Variants in STAB1 observed in about 807,000 individuals in gnomAD.
STAB1 encodes the protein stabilin-1.
Under a neutral mutation model 332.4 loss-of-function variants are expected in STAB1, and 250 were observed. The observed-to-expected ratio is 0.75, with a 90% CI of 0.68 to 0.84. The LOEUF is 0.84. Ranked by LOEUF, STAB1 falls within the 40% of genes least tolerant of loss-of-function variation. The pLI, the probability that STAB1 is intolerant of heterozygous loss-of-function variation, is 0.00. For synonymous variants in STAB1, 1,475 were observed against 1,390.4 expected, an observed-to-expected ratio of 1.06 and a Z score of -1.35; for missense variants, 3,249 against 3,489.7, an observed-to-expected ratio of 0.93 and a Z score of 1.74.
rs369627634 is a variant in STAB1 at position 52,507,690 on chromosome 3, G to A, written c.2052+15G>A. Reference sequence around the variant, plus strand: ...GTGTGAAGCTGGTGAGCACACCTTGGCCCAGCTCTCAGGGCCTCCTGACTG... The same window carrying A: ...GTGTGAAGCTGGTGAGCACACCTTGACCCAGCTCTCAGGGCCTCCTGACTG... On this transcript the variant is annotated intron_variant, in intron 19 of 68. Coordinates refer to ENST00000321725, the MANE Select transcript of STAB1 (RefSeq NM_015136.3). 5 of 1,613,350 alleles carry A rather than the reference G, an allele frequency of 3.1e-6. No homozygotes were observed. The highest frequency in any genetic ancestry group is 8.5e-7 in the Non-Finnish European group (1 of 1,180,006).
chr3:52,516,077 T>C lies in STAB1; in HGVS notation c.3983T>C (p.Leu1328Pro), dbSNP rs780937570. 6.2e-7 allele frequency: 1 copy of C among 1,611,274 alleles called. No homozygotes were observed. Among genetic ancestry groups the C allele is most frequent in the East Asian group, 2.2e-5 (1 of 44,830 alleles). ...PDCCPGFFGTLCEPCPGGLGG... is the reference protein window; with the variant it reads ...PDCCPGFFGTPCEPCPGGLGG... ...TGCTGCCCTGGTTTCTTTGGCACGC[T>C]GTGTGAGCCATGCCCAGGGGGTCTA... The change falls in exon 38 of 69, where the codon CTG becomes CCG. Residue 1328 changes from leucine (L) to proline (P), a missense_variant. Transcript: ENST00000321725.
rs372601175 is a variant in STAB1, at chr3:52,518,860, C to G, written c.5025C>G (p.Ser1675Arg). ...TCTCAGGGCACCCACTGCGCTTCAG[C>G]GAGAGGGAGGTGAGCCCTGGCCCTG... ...TALSGHPLRF[S>R]EREGSIYLND... The change falls in exon 48 of 69, where the codon AGC becomes AGG. Residue 1675 changes from serine to arginine, a missense_variant. Physicochemically the swap from Ser to Arg is moderately radical, Grantham distance 110. Transcript: ENST00000321725. 6.3e-7 allele frequency: 1 copy of G among 1,590,838 alleles called. No homozygotes were observed. Among genetic ancestry groups the G allele is most frequent in the Admixed American group, 1.7e-5 (1 of 58,122 alleles).
intron 45 of STAB1, 68 bp from the exon 46 acceptor site, chr3:52,518,244 G>A (rs1334811734): frequency 2.5e-6 from 4 of 1,601,036 alleles, no homozygotes; most frequent in Non-Finnish European, 3.4e-6. Flanking sequence ...TGGGCCGCAG[G>A]TGCTGGGACA....
intron 1 of STAB1, among the ~76,000 whole-genome samples, chr3:52,496,676 T>TC (rs1263665754): frequency 2.6e-5 from 4 of 152,152 alleles, no homozygotes; most frequent in South Asian, 2.1e-4. Context: ...TAACTCAGTT[T>TC]CCCCCTGTGT....
chr3:52,509,771 C>T (rs1709154262), intron 22 of STAB1, 99 bp from the exon 23 acceptor site: 1 of 1,333,378 alleles, frequency 7.5e-7, no homozygotes, highest in African/African-American at 1.4e-5. Flanking sequence ...CAAATCTGTA[C>T]TGGCTGCCCC....
At chr3:52,503,949 G>GC in intron 9 of STAB1, 47 bp downstream of exon 9, 1 of 1,612,068 alleles carries the variant, frequency 6.2e-7, no homozygotes, top group East Asian at 2.2e-5. Flanking sequence ...GGGCAAGCGT[G>GC]CCCTCTGCGG....
chr3:52,518,951 C>G (rs1007607422), intron 48 of STAB1, 82 bp downstream of exon 48: 2 of 1,398,090 alleles, frequency 1.4e-6, no homozygotes, highest in Admixed American at 2.8e-5. Context: ...CCACGGCCCA[C>G]GCAGTCAAGA....
intron 1 of STAB1, among the ~76,000 whole-genome samples, chr3:52,498,952 C>T (rs911658207): frequency 6.6e-6 from 1 of 152,250 alleles, no homozygotes. Flanking sequence ...GAGGCATGAG[C>T]GGAAAAGGCC....
At position 52,522,538 on chromosome 3, in the gene STAB1, A is replaced by C. The variant is rs1559725243; in HGVS notation, c.6611-17A>C. ...CTCAGAGCCGGCCAGCTGACCATGC[A>C]CCCCTCCATTCTGCAGAGAAACGGG... On this transcript the variant is annotated splice_polypyrimidine_tract_variant and intron_variant, in intron 60 of 68. Transcript: ENST00000321725. 1 of 1,612,554 alleles carries C rather than the reference A, an allele frequency of 6.2e-7. No homozygotes were observed.
Position 52,506,053 on chromosome 3 carries a change from G to A in STAB1, c.1749+117G>A, listed in dbSNP as rs1484928927. On this transcript the variant is annotated intron_variant, in intron 16 of 68. Coordinates refer to ENST00000321725, the MANE Select transcript of STAB1 (RefSeq NM_015136.3). ...TCTCCCTTCCCTTCTCATCTGTTCT[G>A]CTATAGCACAGAGCCTAGGGACCAA... The A allele has an allele frequency of 2.5e-5, 38 of 1,505,208 alleles. No homozygotes were observed. In the East Asian group the frequency reaches 6.6e-4, roughly 26 times the overall value. 93.2% of individuals were successfully genotyped at this position (1,505,208 alleles called of 1,614,324 possible). A position where few individuals can be genotyped will look rare whatever the true frequency, so the allele number is the denominator to read the frequency against.
intron 1 of STAB1, among the ~76,000 whole-genome samples, chr3:52,497,764 A>T (rs993148021): frequency 3.3e-5 from 5 of 152,162 alleles, no homozygotes; most frequent in African/African-American, 1.2e-4. Context: ...TTGGTATCTG[A>T]GGAGGGTCCT....
chr3:52,495,801 C>T (rs140175869), intron 1 of STAB1, among the ~76,000 whole-genome samples: 41 of 152,312 alleles, frequency 2.7e-4, no homozygotes, highest in African/African-American at 8.4e-4. Flanking sequence ...CAGACGGAGG[C>T]CCAGGTCTTA....
chr3:52,524,392 A>G lies in STAB1; in HGVS notation c.*36A>G. On this transcript the variant is annotated 3_prime_UTR_variant, in exon 69 of 69. Transcript: ENST00000321725. ...GCTGAAAGCAGAAGCATGCACAGGG[A>G]GGAGACCACTTTTATTGCTTGTCTG... The G allele has an allele frequency of 2.5e-6, 4 of 1,613,076 alleles. No homozygotes were observed. Among genetic ancestry groups the G allele is most frequent in the Non-Finnish European group, 3.4e-6 (4 of 1,179,684 alleles).
intron 1 of STAB1, among the ~76,000 whole-genome samples, chr3:52,497,345 T>C (rs942743727): frequency 4.0e-5 from 6 of 151,724 alleles, no homozygotes; most frequent in Non-Finnish European, 8.8e-5. Flanking sequence ...GTATTATAAG[T>C]CGTCTAAGGA....
Position 52,519,553 on chromosome 3 carries a change from G to A in STAB1, c.5224G>A (p.Gly1742Ser), listed in dbSNP as rs776723647. 6 of 1,613,180 alleles carry A rather than the reference G, an allele frequency of 3.7e-6. No individual in the cohort carries two copies. The highest frequency in any genetic ancestry group is 2.2e-5 in the East Asian group (1 of 44,880). The change falls in exon 50 of 69, where the codon GGC becomes AGC. Residue 1742 changes from glycine (G) to serine (S), a missense_variant. By Grantham distance (56) the Gly-to-Ser change is moderately conservative (BLOSUM62 0). Coordinates refer to ENST00000321725, the MANE Select transcript of STAB1 (RefSeq NM_015136.3). The part of the protein sequence containing the change: ...AQGFGYKIFS[G>S]LLKVAGLLPL... ...GGGCTTCGGTTACAAGATCTTCAGC[G>A]GCCTCCTGAAGGTACTGCTCCCGTG...
chr3:52,509,133 A>C (rs1709100634), intron 21 of STAB1, 77 bp from the exon 22 acceptor site: 1 of 1,350,352 alleles, frequency 7.4e-7, no homozygotes, highest in African/African-American at 1.4e-5. Context: ...CCAGCCCATG[A>C]AAGGAGGGGG....
chr3:52,510,200 T>G lies in STAB1; in HGVS notation c.2593T>G (p.Cys865Gly), dbSNP rs1163485519. Residue 865 changes from cysteine to glycine, a missense_variant, in exon 24 of 69, where the codon TGC becomes GGC. Transcript: ENST00000321725. ...CTTCTCCTGCACACCTAGCAACCCC[T>G]GCTCCCACCCGGACCGTGGAGGCTG... The part of the protein sequence containing the change: ...DGFSCTPSNP[C>G]SHPDRGGCSE... 6.2e-7 allele frequency: 1 copy of G among 1,614,020 alleles called. No individual in the cohort carries two copies.
chr3:52,523,814 C>G (rs548489202), intron 66 of STAB1, 57 bp from the exon 67 acceptor site: 2 of 1,583,584 alleles, frequency 1.3e-6, no homozygotes, highest in African/African-American at 1.3e-5. Context: ...CCTGTGAGCC[C>G]GGGGAAGGTG....
At position 52,515,569 on chromosome 3, in the gene STAB1, C is replaced by A. The variant is rs2078836085; in HGVS notation, c.3948+63C>A. On this transcript the variant is annotated intron_variant, in intron 37 of 68. Transcript: ENST00000321725. ...AGAAGGAGGTGGGAGTGGGTGGGGG[C>A]CCAGGGAGGAGCCCAGTTTGGATCT... 7 of 1,561,026 alleles carry A rather than the reference C, an allele frequency of 4.5e-6. No homozygotes were observed. In the African/African-American group the frequency reaches 5.4e-5, roughly 12 times the overall value.
Sources: gnomAD v4.1 joint callset for allele counts (sites outside exome capture counted in the v4.1 genomes callset) on GRCh38, gnomAD v4.1.1 for gene constraint, MANE v1.5 for transcripts, NCBI Gene and HGNC (gene_info 2026-07-23, HGNC 2026-07-21) for gene names.